C21orf58: variants seen among roughly 807,000 people sequenced by gnomAD.
The protein encoded by C21orf58 is uncharacterized protein C21orf58.
In C21orf58, 34 loss-of-function variants were observed where a neutral mutation model predicts 35.8. The observed-to-expected ratio is 0.95, with a 90% CI of 0.72 to 1.26. The LOEUF is 1.26. Among genes scored for constraint, C21orf58 ranks in the 50% most tolerant of loss-of-function variants. The probability of loss-of-function intolerance (pLI) is 0.00; values close to 1 mark genes in which losing one functional copy is unlikely to be tolerated. For synonymous variants in C21orf58, 191 were observed against 175.8 expected, an observed-to-expected ratio of 1.09 and a Z score of -0.68; for missense variants, 440 against 414.3, an observed-to-expected ratio of 1.06 and a Z score of -0.54.
At chr21:46,311,982 T>C (rs143373330) in intron 5 of C21orf58, among the ~76,000 whole-genome samples, 137 of 26,342 alleles carry the variant, frequency 5.2e-3, no homozygotes, top group Non-Finnish European at 5.8e-3. Flanking sequence ...CACCCATCCA[T>C]CCACCCATCC....
chr21:46,318,258 AC>A lies in C21orf58; in HGVS notation c.101-39del, dbSNP rs760916613. On this transcript the variant is annotated intron_variant, in intron 1 of 7. Coordinates refer to ENST00000291691, the MANE Select transcript of C21orf58 (RefSeq NM_058180.5). ...AAGAGCCCTGTGGGAAGATAGCCAC[AC>A]CCTCCCTGGACTGCAGTGCCCCAGA... The A allele has an allele frequency of 2.5e-6, 4 of 1,607,852 alleles. No homozygotes were observed. In the South Asian group the frequency reaches 4.4e-5, roughly 18 times the overall value.
intron 4 of C21orf58, chr21:46,315,195 G>A: frequency 1.6e-6 from 1 of 621,518 alleles, no homozygotes; most frequent in East Asian, 2.8e-5. Context: ...CTGCATCTCT[G>A]CCACTCGGAT....
At chr21:46,318,519 C>G in intron 1 of C21orf58, 2 of 1,293,282 alleles carry the variant, frequency 1.5e-6, no homozygotes, top group Non-Finnish European at 2.0e-6. Context: ...GCCTCAGGAC[C>G]CAGTCCAGAA....
At position 46,302,955 on chromosome 21, in the gene C21orf58, C is replaced by T. The variant is rs186152557; in HGVS notation, c.722-379G>A. Among the ~76,000 whole-genome samples the T allele has an allele frequency of 4.2e-3, 621 of 147,282 alleles. 3 individuals are homozygous for T. Among genetic ancestry groups the T allele is most frequent in the Non-Finnish European group, 6.4e-3 (426 of 66,408 alleles). On this transcript the variant is annotated intron_variant, in intron 6 of 7. Coordinates refer to ENST00000291691, the MANE Select transcript of C21orf58 (RefSeq NM_058180.5). ...GGGTCCCCGGGGCGCGCCCTGAGCC[C>T]GTCTGTACACGGTGCGGGTCCCCGG...
chr21:46,301,791 A>T lies in C21orf58; in HGVS notation c.*208T>A. On this transcript the variant is annotated 3_prime_UTR_variant, in exon 8 of 8. Transcript: ENST00000291691. ...AGGCCCCTCACTGCAGGGGACCCGG[A>T]GCAAGGGATGCCCCCTGGAATGGCC... is the stretch of plus-strand genomic sequence containing the variant. 1 of 1,242,280 alleles carries T rather than the reference A, an allele frequency of 8.0e-7. No individual in the cohort carries two copies. The highest frequency in any genetic ancestry group is 1.0e-6 in the Non-Finnish European group (1 of 993,978). 77.0% of individuals were successfully genotyped at this position (1,242,280 alleles called of 1,614,324 possible).
rs758345391 is a variant in C21orf58 at position 46,318,261 on chromosome 21, C to G, written c.101-41G>C. 3.7e-6 allele frequency: 6 copies of G among 1,607,204 alleles called. No homozygotes were observed. The South Asian group carries it at 4.4e-5, about 12-fold the overall frequency. On this transcript the variant is annotated intron_variant, in intron 1 of 7. Coordinates refer to ENST00000291691, the MANE Select transcript of C21orf58 (RefSeq NM_058180.5). ...AGCCCTGTGGGAAGATAGCCACACC[C>G]TCCCTGGACTGCAGTGCCCCAGAAG...
rs2146168285 is a variant in C21orf58, at chr21:46,323,502, G to T, written c.-764C>A. On this transcript the variant is annotated 5_prime_UTR_variant, in exon 1 of 8. Coordinates refer to ENST00000291691, the MANE Select transcript of C21orf58 (RefSeq NM_058180.5). Reference sequence around the variant, plus strand: ...CGGGGCCTGCAGGTCCAGGCGGTTCGCGGGCTTTCTGACCGCATTCGGCCG... The same window carrying T: ...CGGGGCCTGCAGGTCCAGGCGGTTCTCGGGCTTTCTGACCGCATTCGGCCG... 6.6e-6 allele frequency: 1 copy of T among 152,588 alleles called. No individual in the cohort carries two copies. The highest frequency in any genetic ancestry group is 2.0e-4 in the South Asian group (1 of 4,994). 9.5% of individuals were successfully genotyped at this position (152,588 alleles called of 1,614,324 possible). A position where few individuals can be genotyped will look rare whatever the true frequency, so the allele number is the denominator to read the frequency against.
intron 7 of C21orf58, 121 bp from the exon 8 acceptor site, chr21:46,302,275 C>A: frequency 7.0e-7 from 1 of 1,419,036 alleles, no homozygotes; most frequent in South Asian, 1.5e-5. Flanking sequence ...GTCTAAGCAT[C>A]CTCCCAGAGG....
chr21:46,300,657 G>C (rs1035032422), downstream of C21orf58: 2 of 1,259,086 alleles, frequency 1.6e-6, no homozygotes, highest in South Asian at 2.6e-5. Flanking sequence ...GTCAGCACCA[G>C]GTGGCTGTCC....
intron 6 of C21orf58, among the ~76,000 whole-genome samples, chr21:46,302,945 G>A (rs1427067045): frequency 3.4e-5 from 5 of 146,608 alleles, no homozygotes; most frequent in African/African-American, 1.3e-4. Context: ...CCCGGGGCGC[G>A]CCCTGAGCCC....
chr21:46,321,729 TCA>T (rs1473370131), intron 1 of C21orf58, among the ~76,000 whole-genome samples: 1 of 152,160 alleles, frequency 6.6e-6, no homozygotes, highest in Non-Finnish European at 1.5e-5. Flanking sequence ...CTGACCTGCG[TCA>T]CTTGGCTGAG....
At position 46,302,563 on chromosome 21, in the gene C21orf58, C is replaced by A; in HGVS notation, c.735G>T (p.Leu245=). 1.2e-6 allele frequency: 2 copies of A among 1,611,822 alleles called. No homozygotes were observed. The highest frequency in any genetic ancestry group is 1.7e-6 in the Non-Finnish European group (2 of 1,178,972). ...GCACCTGTGCGTTCTGCAGCAGCAG[C>A]AGCTCCACCATGTCTGCAGGGAAGA... ...SGSIKEDMVE[L]LLLQNAQVHQ... Residue 245 remains leucine (L), a synonymous_variant, in exon 7 of 8, where the codon CTG becomes CTT. Coordinates refer to ENST00000291691, the MANE Select transcript of C21orf58 (RefSeq NM_058180.5).
chr21:46,322,750 C>A lies in C21orf58; in HGVS notation c.-12G>T. On this transcript the variant is annotated 5_prime_UTR_variant, in exon 1 of 8. In the 5' UTR this introduces an upstream ATG that the reference lacks. Transcript: ENST00000291691. Reference sequence around the variant, plus strand: ...CGAGATCGCGCCATTGCGCTATAGCCTGGGCGTCGCAGCGAGACTGTCTCA... The same window carrying A: ...CGAGATCGCGCCATTGCGCTATAGCATGGGCGTCGCAGCGAGACTGTCTCA... 1 of 1,465,400 alleles carries A rather than the reference C, an allele frequency of 6.8e-7. No homozygotes were observed. Among genetic ancestry groups the A allele is most frequent in the Non-Finnish European group, 9.1e-7 (1 of 1,099,324 alleles). 90.8% of individuals were successfully genotyped at this position (1,465,400 alleles called of 1,614,324 possible).
chr21:46,308,859 A>T (rs2082543146), intron 6 of C21orf58, among the ~76,000 whole-genome samples: 1 of 152,132 alleles, frequency 6.6e-6, no homozygotes, highest in Non-Finnish European at 1.5e-5. Context: ...TAATAAGAGG[A>T]AGAGTGACCT....
At position 46,315,511 on chromosome 21, in the gene C21orf58, G is replaced by A; in HGVS notation, c.407C>T (p.Ala136Val). The A allele has an allele frequency of 6.2e-7, 1 of 1,611,968 alleles. No individual in the cohort carries two copies. The highest frequency in any genetic ancestry group is 8.5e-7 in the Non-Finnish European group (1 of 1,178,450). Residue 136 changes from alanine (A) to valine (V), a missense_variant, in exon 4 of 8, where the codon GCT (alanine) becomes GTT (valine). Coordinates refer to ENST00000291691, the MANE Select transcript of C21orf58 (RefSeq NM_058180.5). ...EDRPDDALQTALKRRRDLLQR... is the reference protein window; with the variant it reads ...EDRPDDALQTVLKRRRDLLQR... ...CAGAAGGTCCCTCCTTCTCTTCAGA[G>A]CAGTCTGCAGGGCATCGTCCGGCCG...
chr21:46,312,476 G>A (rs1202200268), intron 5 of C21orf58, among the ~76,000 whole-genome samples: 3 of 152,030 alleles, frequency 2.0e-5, no homozygotes, highest in African/African-American at 7.2e-5. Context: ...CTGCCACCAC[G>A]CCCGGCTAAT....
chr21:46,301,262 C>G lies in C21orf58; in HGVS notation c.*737G>C. ...GCTCAAGCAATCCTCCCACCTCAGC[C>G]CCCAGAGCTGCTGAGATAACAGGCG... On this transcript the variant is annotated 3_prime_UTR_variant, in exon 8 of 8. Coordinates refer to ENST00000291691, the MANE Select transcript of C21orf58 (RefSeq NM_058180.5). 3.7e-6 allele frequency: 1 copy of G among 269,594 alleles called. No homozygotes were observed. Among genetic ancestry groups the G allele is most frequent in the Non-Finnish European group, 5.7e-6 (1 of 175,494 alleles). The allele number at this position is 269,594 out of a possible 1,614,324, so 16.7% of individuals were successfully genotyped here.
chr21:46,303,732 TATATATATATA>T (rs1177050790), intron 6 of C21orf58, among the ~76,000 whole-genome samples: 26 of 31,708 alleles, frequency 8.2e-4, no homozygotes, highest in Non-Finnish European at 1.2e-3. Flanking sequence ...TATATATATA[TATATATATATA>T]TATTTTTTTT....
chr21:46,314,354 A>G lies in C21orf58; in HGVS notation c.609+362T>C, dbSNP rs182528462. ...CGGCCTCCCAAAGTGCTGGGAGTAG[A>G]GATGTGAGCCACCGCACCCGGCCAG... On this transcript the variant is annotated intron_variant, in intron 5 of 7. Transcript: ENST00000291691. Among the ~76,000 whole-genome samples the G allele has an allele frequency of 3.8e-3, 575 of 152,288 alleles. 16 individuals are homozygous for G. In the South Asian group the frequency reaches 0.066, roughly 17 times the overall value.
Sources: gnomAD v4.1 joint callset for allele counts (sites outside exome capture counted in the v4.1 genomes callset) on GRCh38, gnomAD v4.1.1 for gene constraint, MANE v1.5 for transcripts, NCBI Gene and HGNC (gene_info 2026-07-23, HGNC 2026-07-21) for gene names.